Variants in PARP6 observed in about 807,000 individuals in gnomAD.
PARP6 encodes protein mono-ADP-ribosyltransferase PARP6.
Under a neutral mutation model 92.0 loss-of-function variants are expected in PARP6, and 27 were observed. The ratio of observed to expected loss-of-function variants is 0.29; its 90% CI spans 0.22 to 0.40. The LOEUF is 0.40. Ranked by LOEUF, PARP6 falls within the 10% of genes least tolerant of loss-of-function variation. The pLI, the probability that PARP6 is intolerant of heterozygous loss-of-function variation, is 1.00. For missense variants in PARP6, 501 were observed against 784.5 expected, an observed-to-expected ratio of 0.64 and a Z score of 4.32; for synonymous variants, 272 against 281.2, an observed-to-expected ratio of 0.97 and a Z score of 0.33.
intron 4 of PARP6, among the ~76,000 whole-genome samples, chr15:72,266,532 A>T (rs1385863008): frequency 6.6e-6 from 1 of 152,214 alleles, no homozygotes; most frequent in Non-Finnish European, 1.5e-5. Context: ...GGTAGTCTCC[A>T]CATACAGAGG....
Position 72,251,234 on chromosome 15 carries a change from T to C in PARP6, c.1281A>G (p.Ser427=), listed in dbSNP as rs2084310709. 1.9e-6 allele frequency: 3 copies of C among 1,598,012 alleles called. No homozygotes were observed. The highest frequency in any genetic ancestry group is 2.6e-6 in the Non-Finnish European group (3 of 1,165,916). The change falls in exon 17 of 24, where the codon TCA becomes TCG. Residue 427 remains serine, a synonymous_variant. Coordinates refer to ENST00000569795, the MANE Select transcript of PARP6 (RefSeq NM_001323532.2). ...TGCTGAGAGGTAGTTTGACAATGTG[T>C]GACCTGTTGCTAGAGATGATCCTGG... ...LLQWIISSNR[S]HIVKLPLSRL... is the part of the protein sequence containing the mutation.
intron 8 of PARP6, among the ~76,000 whole-genome samples, 199 bp from the exon 9 acceptor site, chr15:72,261,906 G>C (rs1171248988): frequency 6.6e-6 from 1 of 152,130 alleles, no homozygotes; most frequent in African/African-American, 2.4e-5. Flanking sequence ...TCACCCTAGA[G>C]GGCACCTAGC....
At chr15:72,254,571 A>C (rs2084813509) in intron 14 of PARP6, 51 bp from the exon 15 acceptor site, 1 of 1,434,244 alleles carries the variant, frequency 7.0e-7, no homozygotes, top group African/African-American at 1.4e-5. Flanking sequence ...AAGTAGAGGA[A>C]AGTAAGATGT....
At chr15:72,253,148 C>T (rs781255746) in intron 16 of PARP6, among the ~76,000 whole-genome samples, 5 of 149,094 alleles carry the variant, frequency 3.4e-5, no homozygotes, top group Non-Finnish European at 5.9e-5. Flanking sequence ...GCACTCTAGC[C>T]GGGGCAACAG....
At position 72,265,156 on chromosome 15, in the gene PARP6, C is replaced by A; in HGVS notation, c.253G>T (p.Ala85Ser). Reference sequence around the variant, plus strand: ...GGTTCTGTCCGGAGGACCTTCCAGGCTGTAGAGACTTCCTCCTAAAAGAAG... The same window carrying A: ...GGTTCTGTCCGGAGGACCTTCCAGGATGTAGAGACTTCCTCCTAAAAGAAG... ...ISFLDEEVST[A>S]WKVLRTEPIV... Residue 85 changes from alanine (A) to serine (S), a missense_variant, in exon 7 of 24, where the codon GCC becomes TCC. By Grantham distance (99) the Ala-to-Ser change is moderately conservative. Coordinates refer to ENST00000569795, the MANE Select transcript of PARP6 (RefSeq NM_001323532.2). 1 of 1,611,394 alleles carries A rather than the reference C, an allele frequency of 6.2e-7. No individual in the cohort carries two copies. The highest frequency in any genetic ancestry group is 1.1e-5 in the South Asian group (1 of 90,966).
Position 72,257,459 on chromosome 15 carries a change from C to A in PARP6, c.907-19G>T, listed in dbSNP as rs781187801. The A allele has an allele frequency of 6.3e-7, 1 of 1,599,356 alleles. No individual in the cohort carries two copies. The highest frequency in any genetic ancestry group is 1.1e-5 in the South Asian group (1 of 90,806). On this transcript the variant is annotated intron_variant, in intron 12 of 23. Transcript: ENST00000569795. ...CAGCTGGCTGAAAGGATATATTAAA[C>A]AGATGGTGGTGGGATGGGGTGTGCA...
rs2086538786 is a variant in PARP6 at position 72,265,983 on chromosome 15, A to C, written c.90T>G (p.Cys30Trp). 4 of 1,612,406 alleles carry C rather than the reference A, an allele frequency of 2.5e-6. No individual in the cohort carries two copies. The East Asian group carries it at 8.9e-5, about 36-fold the overall frequency. Residue 30 changes from cysteine (C) to tryptophan (W), a missense_variant, in exon 5 of 24, where the codon TGT becomes TGG. Cys to Trp is a radical substitution (Grantham distance 215). Coordinates refer to ENST00000569795, the MANE Select transcript of PARP6 (RefSeq NM_001323532.2). ...EEFLYGVQGS[C>W]AADLYRHPQL... Reference sequence around the variant, plus strand: ...GTGGGTGTCGATACAGGTCAGCTGCACAGCTCCCCTGAGATAGCAGCAAAA... The same window carrying C: ...GTGGGTGTCGATACAGGTCAGCTGCCCAGCTCCCCTGAGATAGCAGCAAAA...
Position 72,267,687 on chromosome 15 carries a change from A to G in PARP6, c.-194-16T>C, listed in dbSNP as rs1385915774. The G allele has an allele frequency of 7.0e-6, 4 of 572,412 alleles. No homozygotes were observed. Among genetic ancestry groups the G allele is most frequent in the Non-Finnish European group, 1.3e-5 (4 of 316,082 alleles). The allele number at this position is 572,412 out of a possible 1,614,324, so 35.5% of individuals were successfully genotyped here. ...AGTCACTGTCCTGTGGAAAGTAGAT[A>G]ATAATGGGTTTCATCACCACTTAAT... On this transcript the variant is annotated splice_polypyrimidine_tract_variant and intron_variant, in intron 2 of 23. Transcript: ENST00000569795.
Position 72,249,234 on chromosome 15 carries a change from A to G in PARP6, c.1561+11T>C. The G allele has an allele frequency of 1.3e-6, 2 of 1,553,152 alleles. No individual in the cohort carries two copies. Among genetic ancestry groups the G allele is most frequent in the Non-Finnish European group, 8.9e-7 (1 of 1,127,214 alleles). ...TAAATAGAGTCAAGGTGGCCACAGA[A>G]TATTTCTTACCTGAGTATCCAAAGG... is the stretch of plus-strand genomic sequence containing the variant. On this transcript the variant is annotated intron_variant, in intron 20 of 23. Coordinates refer to ENST00000569795, the MANE Select transcript of PARP6 (RefSeq NM_001323532.2).
Position 72,242,703 on chromosome 15 carries a change from T to G in PARP6, c.1562-4A>C, listed in dbSNP as rs748019645. The G allele has an allele frequency of 2.4e-5, 38 of 1,601,294 alleles. No individual in the cohort carries two copies. The highest frequency in any genetic ancestry group is 3.0e-5 in the Non-Finnish European group (35 of 1,171,898). On this transcript the variant is annotated splice_region_variant and splice_polypyrimidine_tract_variant and intron_variant, in intron 20 of 23. Coordinates refer to ENST00000569795, the MANE Select transcript of PARP6 (RefSeq NM_001323532.2). This position sits in a 1 kb window ranked among gnomAD's most constrained non-coding sequence, Gnocchi z 4.3. ...CTGTGCTGTCCTTTTCCCATTCCTG[T>G]CACAGAACAATACACCCACTTCATT... is the stretch of plus-strand genomic sequence containing the variant.
intron 20 of PARP6, chr15:72,243,402 C>T (rs575268232): frequency 6.6e-6 from 1 of 152,262 alleles, no homozygotes; most frequent in African/African-American, 2.4e-5. Context: ...AAAAACCTGA[C>T]CAGTCATTCA....
intron 4 of PARP6, among the ~76,000 whole-genome samples, chr15:72,266,464 T>C (rs1408585948): frequency 6.6e-6 from 1 of 152,028 alleles, no homozygotes; most frequent in East Asian, 1.9e-4. Context: ...TGAATGAAAC[T>C]ACCCCCACTG....
intron 16 of PARP6, among the ~76,000 whole-genome samples, chr15:72,252,727 C>T (rs891481457): frequency 3.3e-5 from 5 of 152,078 alleles, no homozygotes; most frequent in East Asian, 1.9e-4. Flanking sequence ...TCAGGTGATC[C>T]GCCCGCCTCG....
chr15:72,266,680 T>C (rs2086636731), intron 4 of PARP6, 65 bp downstream of exon 4: 1 of 1,150,586 alleles, frequency 8.7e-7, no homozygotes, highest in Non-Finnish European at 1.3e-6. Flanking sequence ...TCACTCCTGA[T>C]GTATCCAAAA....
chr15:72,266,085 A>G, intron 4 of PARP6, 94 bp from the exon 5 acceptor site: 1 of 868,286 alleles, frequency 1.2e-6, no homozygotes, highest in South Asian at 1.4e-5. Context: ...CACCAGGAAC[A>G]GGAGAAATCA....
chr15:72,244,696 T>C (rs904643905), intron 20 of PARP6: 3 of 152,180 alleles, frequency 2.0e-5, no homozygotes, highest in Non-Finnish European at 2.9e-5. Flanking sequence ...GTAACTACAG[T>C]AAGTGGAACA....
intron 19 of PARP6, among the ~76,000 whole-genome samples, chr15:72,249,591 G>A (rs753306565): frequency 2.0e-5 from 3 of 152,106 alleles, no homozygotes; most frequent in Non-Finnish European, 4.4e-5. Context: ...CCAGGCCTTG[G>A]TACATATGCA....
Position 72,251,274 on chromosome 15 carries a change from A to T in PARP6, c.1260-19T>A. On this transcript the variant is annotated intron_variant, in intron 16 of 23. Transcript: ENST00000569795. ...GATGATCCTGGGAAGAAACAGAAAAAAATAAAAAGGATAGAATAATTATGT... is the reference window on the plus strand; with the variant it reads ...GATGATCCTGGGAAGAAACAGAAAATAATAAAAAGGATAGAATAATTATGT... The T allele has an allele frequency of 6.6e-7, 1 of 1,517,636 alleles. No individual in the cohort carries two copies. Among genetic ancestry groups the T allele is most frequent in the Non-Finnish European group, 9.1e-7 (1 of 1,097,194 alleles). 94.0% of individuals were successfully genotyped at this position (1,517,636 alleles called of 1,614,324 possible).
chr15:72,258,488 C>T (rs2085423450), intron 11 of PARP6, among the ~76,000 whole-genome samples: 1 of 152,140 alleles, frequency 6.6e-6, no homozygotes, highest in Non-Finnish European at 1.5e-5. Flanking sequence ...GAGATGATGT[C>T]CATGAAGGCA....
Sources: allele counts gnomAD v4.1 joint callset (sites outside exome capture counted in the v4.1 genomes callset), GRCh38; gene constraint gnomAD v4.1.1; non-coding constraint Gnocchi (gnomAD v3.1); transcripts MANE v1.5; gene names NCBI Gene and HGNC (gene_info 2026-07-23, HGNC 2026-07-21).